Variants in EIF4G2 observed in about 807,000 individuals in gnomAD.
EIF4G2 encodes the protein DAP-5.
In EIF4G2, 8 loss-of-function variants were observed where a neutral mutation model predicts 117.7. The observed-to-expected ratio is 0.07, with a 90% CI of 0.04 to 0.12. The LOEUF (loss-of-function observed/expected upper bound fraction) is 0.12, where lower values mean the gene tolerates loss of function less well. EIF4G2 is among the 10% of genes least tolerant of loss of function. The pLI is 1.00. For synonymous variants in EIF4G2, 413 were observed against 367.8 expected (o/e 1.12, Z -1.41); for missense variants, 812 against 1,086.2 (o/e 0.75, Z 3.55).
chr11:10,801,248 C>CA, intron 14 of EIF4G2, 161 bp from the exon 15 acceptor site: 1 of 1,044,260 alleles, frequency 9.6e-7, no homozygotes, highest in Non-Finnish European at 1.3e-6. Flanking sequence ...TAATTTTTGG[C>CA]AAAAAATTTA....
At chr11:10,807,172 T>C in intron 2 of EIF4G2, 83 bp downstream of exon 2, 2 of 1,527,444 alleles carry the variant, frequency 1.3e-6, no homozygotes, top group Non-Finnish European at 1.8e-6. Context: ...TTGCAGCCCA[T>C]TAAGTCGGAC....
In EIF4G2 at chr11:10,799,328, T is replaced by G; in HGVS notation, c.2421A>C (p.Gln807His). The G allele has an allele frequency of 6.2e-7, 1 of 1,613,974 alleles. No individual in the cohort carries two copies. The highest frequency in any genetic ancestry group is 8.5e-7 in the Non-Finnish European group (1 of 1,180,008). ...TTACTGGCTTGAAAGATAGTAGTAG[T>G]TGTTTTTCCTGCTCTAACTGTTCTT... Residue 807 changes from glutamine to histidine, a missense_variant, in exon 20 of 22, where the codon CAA (glutamine) becomes CAC (histidine). Transcript: ENST00000339995.
Position 10,797,704 on chromosome 11 carries a change from TTAAA to T in EIF4G2, c.*108_*111del. ...AAATCCTAACTGACGTGCTTCTGCT[TTAAA>T]TATTGTGAAAACATTACAGCGGAAT... is the stretch of plus-strand genomic sequence containing the variant. On this transcript the variant is annotated 3_prime_UTR_variant, in exon 22 of 22. Transcript: ENST00000339995. This position sits in a 1 kb window ranked among gnomAD's most constrained non-coding sequence, Gnocchi z 4.5. 2 of 1,172,492 alleles carry T rather than the reference TTAAA, an allele frequency of 1.7e-6. No individual in the cohort carries two copies. Among genetic ancestry groups the T allele is most frequent in the Non-Finnish European group, 2.5e-6 (2 of 802,382 alleles). The allele number at this position is 1,172,492 out of a possible 1,614,324, so 72.6% of individuals were successfully genotyped here.
intron 20 of EIF4G2, 22 bp downstream of exon 20, chr11:10,799,191 C>A: frequency 6.2e-7 from 1 of 1,612,750 alleles, no homozygotes; most frequent in East Asian, 2.2e-5. Flanking sequence ...TCACGCCGTT[C>A]TTCTGATACA....
chr11:10,802,242 TA>T (rs1372588535), intron 12 of EIF4G2, 33 bp from the exon 13 acceptor site: 2 of 1,611,464 alleles, frequency 1.2e-6, no homozygotes, highest in Non-Finnish European at 1.7e-6. Flanking sequence ...CTCTCAAAAC[TA>T]AAGTTAACTG....
intron 1 of EIF4G2, chr11:10,808,389 G>C: frequency 8.0e-7 from 1 of 1,247,366 alleles, no homozygotes; most frequent in Non-Finnish European, 1.0e-6. Flanking sequence ...AGCGGTCCGA[G>C]CCACGCTCCC....
intron 21 of EIF4G2, 37 bp downstream of exon 21, chr11:10,798,955 T>C (rs943796273): frequency 6.3e-7 from 1 of 1,577,132 alleles, no homozygotes; most frequent in Non-Finnish European, 8.6e-7. Context: ...CCAAGCAAAC[T>C]GAAGTAAGCA....
Position 10,800,592 on chromosome 11 carries a change from C to T in EIF4G2, c.1700G>A (p.Gly567Asp). Residue 567 changes from glycine (G) to aspartate (D), a missense_variant, in exon 17 of 22, where the codon GGT becomes GAT. Gly to Asp is a moderately conservative substitution (Grantham distance 94). Around this residue, in one of 4 missense-constraint regions of EIF4G2, gnomAD observed 571 missense variants for 642.3 expected, o/e 0.89. Transcript: ENST00000339995. ...TTTAGGAGCCCTCATTTCTCTTACA[C>T]CATTGACAGCCTCATTTGCATTTCC... 6.2e-7 allele frequency: 1 copy of T among 1,614,162 alleles called. No individual in the cohort carries two copies. Among genetic ancestry groups the T allele is most frequent in the Non-Finnish European group, 8.5e-7 (1 of 1,180,032 alleles).
intron 13 of EIF4G2, 21 bp downstream of exon 13, chr11:10,802,028 G>GGA: frequency 5.7e-5 from 1 of 17,422 alleles, no homozygotes. Context: ...TAGAAAACAT[G>GGA]CACACTCAAA....
rs1335989129 is a variant in EIF4G2, at chr11:10,802,895, G to A, written c.996+135C>T. 17 of 712,444 alleles carry A rather than the reference G, an allele frequency of 2.4e-5. No homozygotes were observed. The East Asian group carries it at 2.6e-4, about 11-fold the overall frequency. 44.1% of individuals were successfully genotyped at this position (712,444 alleles called of 1,614,324 possible). ...AAATAAAAAAATAAAAGTGGAAGAC[G>A]AGACACTAAAAACATTAAGCTCCAC... On this transcript the variant is annotated intron_variant, in intron 11 of 21. Coordinates refer to ENST00000339995, the MANE Select transcript of EIF4G2 (RefSeq NM_001418.4).
At position 10,803,898 on chromosome 11, in the gene EIF4G2, C is replaced by T; in HGVS notation, c.702+1G>A. ...TCGCCTAACTTCCCTGTCACACTTA[C>T]TGTTTTGATGCACTTATGAAGGATA... On this transcript the variant is annotated splice_donor_variant, in intron 8 of 21. Coordinates refer to ENST00000339995, the MANE Select transcript of EIF4G2 (RefSeq NM_001418.4). LOFTEE classifies it high-confidence loss of function. The surrounding 1 kb of genome is among the most constrained non-coding windows in gnomAD (Gnocchi z 4.0). The T allele has an allele frequency of 6.2e-7, 1 of 1,608,506 alleles. No homozygotes were observed. Among genetic ancestry groups the T allele is most frequent in the Non-Finnish European group, 8.5e-7 (1 of 1,176,252 alleles).
At chr11:10,808,331 AAC>A (rs1172704016) in intron 1 of EIF4G2, 8 of 1,202,356 alleles carry the variant, frequency 6.7e-6, no homozygotes, top group African/African-American at 1.7e-5. Context: ...GTCCCGCGCC[AAC>A]GGCCTGGCCT....
chr11:10,803,546 C>T lies in EIF4G2; in HGVS notation c.747G>A (p.Glu249=), dbSNP rs35388213. ...TTATCTGACAGAGGCACTCCAAATC[C>T]TCTCCCATATCTTTGAGTTGGACTC... The change falls in exon 9 of 22, where the codon GAG becomes GAA. Residue 249 remains glutamate (E), a synonymous_variant. Coordinates refer to ENST00000339995, the MANE Select transcript of EIF4G2 (RefSeq NM_001418.4). The surrounding 1 kb of genome is among the most constrained non-coding windows in gnomAD (Gnocchi z 4.0). The T allele has an allele frequency of 0.02, 31,485 of 1,613,874 alleles. 381 individuals carry two copies. Among genetic ancestry groups the T allele is most frequent in the Non-Finnish European group, 0.024 (27,787 of 1,179,814 alleles).
intron 1 of EIF4G2, chr11:10,808,483 G>A: frequency 8.0e-7 from 1 of 1,251,490 alleles, no homozygotes; most frequent in Non-Finnish European, 1.0e-6. Context: ...CCGCACGGCG[G>A]CCTGGCCAAC....
chr11:10,803,899 T>C lies in EIF4G2; in HGVS notation c.702A>G (p.Thr234=), dbSNP rs371289585. 25 of 1,608,722 alleles carry C rather than the reference T, an allele frequency of 1.6e-5. No homozygotes were observed. Among genetic ancestry groups the C allele is most frequent in the Non-Finnish European group, 2.0e-5 (24 of 1,176,488 alleles). Residue 234 remains threonine, a splice_region_variant and synonymous_variant, in exon 8 of 22, where the codon ACA becomes ACG. Coordinates refer to ENST00000339995, the MANE Select transcript of EIF4G2 (RefSeq NM_001418.4). This position sits in a 1 kb window ranked among gnomAD's most constrained non-coding sequence, Gnocchi z 4.0. The stretch of plus-strand genomic sequence containing the variant: ...CGCCTAACTTCCCTGTCACACTTAC[T>C]GTTTTGATGCACTTATGAAGGATAG...
intron 5 of EIF4G2, chr11:10,804,639 C>T (rs539508170): frequency 3.1e-6 from 2 of 635,520 alleles, no homozygotes; most frequent in Admixed American, 3.2e-5. Flanking sequence ...ATTTCCAAGA[C>T]CTAAATACGG....
chr11:10,803,879 A>G lies in EIF4G2; in HGVS notation c.702+20T>C. On this transcript the variant is annotated intron_variant, in intron 8 of 21. Transcript: ENST00000339995. This position sits in a 1 kb window ranked among gnomAD's most constrained non-coding sequence, Gnocchi z 4.0. Reference sequence around the variant, plus strand: ...TCCAAACGACTGACTACATTCGCCTAACTTCCCTGTCACACTTACTGTTTT... The same window carrying G: ...TCCAAACGACTGACTACATTCGCCTGACTTCCCTGTCACACTTACTGTTTT... 1 of 1,600,370 alleles carries G rather than the reference A, an allele frequency of 6.2e-7. No homozygotes were observed. Among genetic ancestry groups the G allele is most frequent in the Non-Finnish European group, 8.5e-7 (1 of 1,170,544 alleles).
In EIF4G2 at chr11:10,800,512, C is replaced by T. The variant is rs751683491; in HGVS notation, c.1780G>A (p.Asp594Asn). 26 of 1,613,998 alleles carry T rather than the reference C, an allele frequency of 1.6e-5. No homozygotes were observed. Among genetic ancestry groups the T allele is most frequent in the Admixed American group, 8.3e-5 (5 of 59,996 alleles). ...GAACTTGCTTTTTCTTTATCTTCATCGCTTCTATCTAGTGACAGGATGATT... is the reference window on the plus strand; with the variant it reads ...GAACTTGCTTTTTCTTTATCTTCATTGCTTCTATCTAGTGACAGGATGATT... The change falls in exon 17 of 22, where the codon GAT becomes AAT. Residue 594 changes from aspartate to asparagine, a missense_variant. By Grantham distance (23) the Asp-to-Asn change is conservative. Transcript: ENST00000339995.
chr11:10,802,351 T>A lies in EIF4G2; in HGVS notation c.1081A>T (p.Met361Leu). The change falls in exon 12 of 22, where the codon ATG becomes TTG. Residue 361 changes from methionine (M) to leucine (L), a missense_variant. Transcript: ENST00000339995. ...CCAAGTGGGTCCCTATCCATTTTCA[T>A]CCTGGGTGGCATGAACGGTCCCTCC... 1 of 1,614,070 alleles carries A rather than the reference T, an allele frequency of 6.2e-7. No homozygotes were observed. Among genetic ancestry groups the A allele is most frequent in the Non-Finnish European group, 8.5e-7 (1 of 1,179,992 alleles).
Sources: allele counts gnomAD v4.1 joint callset, GRCh38; gene constraint gnomAD v4.1.1; regional missense constraint gnomAD v4.1.1; non-coding constraint Gnocchi (gnomAD v3.1); transcripts MANE v1.5; gene names NCBI Gene and HGNC (gene_info 2026-07-23, HGNC 2026-07-21).